TMEM132C: variants seen among roughly 807,000 people sequenced by gnomAD.
TMEM132C encodes the protein protein phosphatase 1, regulatory subunit 152.
Under a neutral mutation model 61.4 loss-of-function variants are expected in TMEM132C, and 29 were observed. The observed-to-expected ratio is 0.47, with a 90% CI of 0.35 to 0.64. The LOEUF (loss-of-function observed/expected upper bound fraction) is 0.64. Among genes scored for constraint, TMEM132C ranks in the 30% least tolerant of loss-of-function variants. The pLI is 0.00. For synonymous variants in TMEM132C, 656 were observed against 633.1 expected (o/e 1.04, Z -0.54); for missense variants, 1,408 against 1,476.9 (o/e 0.95, Z 0.76).
intron 3 of TMEM132C, among the ~76,000 whole-genome samples, chr12:128,574,598 A>G (rs768652905): frequency 5.9e-5 from 9 of 152,192 alleles, no homozygotes; most frequent in South Asian, 2.1e-4. Context: ...TGTCCTTCCC[A>G]GTGGCCCCCT....
intron 3 of TMEM132C, among the ~76,000 whole-genome samples, chr12:128,559,303 G>A (rs867204195): frequency 6.6e-6 from 1 of 151,788 alleles, no homozygotes; most frequent in African/African-American, 2.4e-5. Flanking sequence ...CCAAACATCT[G>A]TATATTATGG....
chr12:128,614,671 G>A (rs1010665201), intron 3 of TMEM132C, among the ~76,000 whole-genome samples: 1 of 152,136 alleles, frequency 6.6e-6, no homozygotes, highest in African/African-American at 2.4e-5. Flanking sequence ...TTGGACCAAC[G>A]GTAGTTCCCA....
At chr12:128,475,876 G>A (rs1871138949) in intron 2 of TMEM132C, among the ~76,000 whole-genome samples, 1 of 152,128 alleles carries the variant, frequency 6.6e-6, no homozygotes, top group Non-Finnish European at 1.5e-5. Flanking sequence ...GCCTGCCCAG[G>A]ACCCCACAGC....
intron 2 of TMEM132C, among the ~76,000 whole-genome samples, chr12:128,457,897 G>T (rs778848843): frequency 2.4e-4 from 36 of 152,118 alleles, no homozygotes; most frequent in Non-Finnish European, 3.7e-4. Context: ...TAAGTTCAAC[G>T]AATGTGGACC....
intron 3 of TMEM132C, among the ~76,000 whole-genome samples, chr12:128,562,576 C>T (rs897235973): frequency 1.3e-5 from 2 of 152,162 alleles, no homozygotes; most frequent in African/African-American, 4.8e-5. Flanking sequence ...TTTAATTTCC[C>T]CACCTTAGAA....
At chr12:128,623,619 C>A (rs1277879625) in intron 4 of TMEM132C, among the ~76,000 whole-genome samples, 2 of 151,772 alleles carry the variant, frequency 1.3e-5, no homozygotes, top group Non-Finnish European at 2.9e-5. Flanking sequence ...CCAGCCTGGG[C>A]AACATGGTGA....
intron 4 of TMEM132C, among the ~76,000 whole-genome samples, chr12:128,662,417 C>T (rs1429101281): frequency 6.6e-6 from 1 of 152,200 alleles, no homozygotes; most frequent in East Asian, 1.9e-4. Context: ...AGTTCACAGT[C>T]AAGGAATCTG....
At chr12:128,496,191 C>A (rs1192027137) in intron 2 of TMEM132C, among the ~76,000 whole-genome samples, 4 of 152,186 alleles carry the variant, frequency 2.6e-5, no homozygotes, top group Non-Finnish European at 4.4e-5. Flanking sequence ...AGAGTTTCTG[C>A]TGAGAGATCC....
intron 5 of TMEM132C, among the ~76,000 whole-genome samples, chr12:128,689,765 A>T (rs1954704981): frequency 6.6e-6 from 1 of 152,152 alleles, no homozygotes; most frequent in South Asian, 2.1e-4. Context: ...CAAGGAGTAG[A>T]TCTCACAGTG....
intron 1 of TMEM132C, among the ~76,000 whole-genome samples, chr12:128,354,723 G>A (rs1347338074): frequency 2.0e-5 from 3 of 152,178 alleles, no homozygotes; most frequent in Non-Finnish European, 4.4e-5. Flanking sequence ...CACTTTACCT[G>A]CAGACATTAT....
At chr12:128,643,072 T>C (rs1367324661) in intron 4 of TMEM132C, among the ~76,000 whole-genome samples, 4 of 152,134 alleles carry the variant, frequency 2.6e-5, no homozygotes, top group Non-Finnish European at 5.9e-5. Context: ...AGAAAAACCA[T>C]GGCGTCGACG....
chr12:128,452,703 C>CAA, intron 2 of TMEM132C, among the ~76,000 whole-genome samples: 1 of 148,484 alleles, frequency 6.7e-6, no homozygotes, highest in African/African-American at 2.5e-5. Context: ...GACTCCATCT[C>CAA]AAAAAAAAAC....
chr12:128,639,464 T>C (rs1028712302), intron 4 of TMEM132C, among the ~76,000 whole-genome samples: 3 of 152,112 alleles, frequency 2.0e-5, no homozygotes, highest in African/African-American at 7.2e-5. Flanking sequence ...GTCATGGTCA[T>C]GGTAATAGTG....
chr12:128,408,882 C>T (rs1424269354), intron 1 of TMEM132C, among the ~76,000 whole-genome samples: 1 of 152,132 alleles, frequency 6.6e-6, no homozygotes, highest in African/African-American at 2.4e-5. Flanking sequence ...AGTGTCCCTG[C>T]CGGGAAAAGG....
chr12:128,634,535 C>T (rs1954086673), intron 4 of TMEM132C, among the ~76,000 whole-genome samples: 1 of 152,248 alleles, frequency 6.6e-6, no homozygotes, highest in Admixed American at 6.5e-5. Flanking sequence ...CTAACCCAAA[C>T]AAATTAGAAA....
intron 2 of TMEM132C, among the ~76,000 whole-genome samples, chr12:128,512,007 G>A (rs533543285): frequency 6.6e-6 from 1 of 152,154 alleles, no homozygotes; most frequent in Admixed American, 6.5e-5. Flanking sequence ...AAGGGCTGCT[G>A]TGTCGGTCCA....
At chr12:128,571,299 G>C (rs886138750) in intron 3 of TMEM132C, among the ~76,000 whole-genome samples, 4 of 152,182 alleles carry the variant, frequency 2.6e-5, no homozygotes, top group Admixed American at 6.5e-5. Context: ...AATCCAGTCT[G>C]AGTTTAGGTT....
intron 4 of TMEM132C, among the ~76,000 whole-genome samples, chr12:128,654,660 C>A (rs1476143406): frequency 6.6e-6 from 1 of 152,168 alleles, no homozygotes; most frequent in Non-Finnish European, 1.5e-5. Context: ...AACTAGGAAG[C>A]TCTTGTCACT....
intron 1 of TMEM132C, among the ~76,000 whole-genome samples, chr12:128,393,404 CT>C (rs1198410084): frequency 6.6e-6 from 1 of 152,152 alleles, no homozygotes; most frequent in Non-Finnish European, 1.5e-5. Context: ...TGAATCCTTG[CT>C]GAAAGGAAAT....
Sources: gnomAD v4.1 joint callset for allele counts (sites outside exome capture counted in the v4.1 genomes callset) on GRCh38, gnomAD v4.1.1 for gene constraint, MANE v1.5 for transcripts, NCBI Gene and HGNC (gene_info 2026-07-23, HGNC 2026-07-21) for gene names.